The following FLT1 variants were observed in gnomAD, a reference collection of about 807,000 sequenced individuals.
The protein encoded by FLT1 is fms related receptor tyrosine kinase 1, also known as vascular endothelial growth factor receptor 1.
In FLT1, 49 loss-of-function variants were observed where a neutral mutation model predicts 156.3. The observed-to-expected ratio is 0.31, with a 90% CI of 0.25 to 0.40. The LOEUF is 0.40. FLT1 is among the 10% of genes least tolerant of loss of function. The probability of loss-of-function intolerance (pLI) is 1.00; values close to 1 mark genes in which losing one functional copy is unlikely to be tolerated. For synonymous variants in FLT1, 594 were observed against 583.8 expected (o/e 1.02, Z -0.25); for missense variants, 1,322 against 1,637.2 (o/e 0.81, Z 3.32).
At position 28,300,896 on chromosome 13, in the gene FLT1, C is replaced by T. The variant is rs1870486943; in HGVS notation, c.*2271G>A. 4.3e-6 allele frequency: 1 copy of T among 232,994 alleles called. No homozygotes were observed. The highest frequency in any genetic ancestry group is 8.5e-6 in the Non-Finnish European group (1 of 117,988). 14.4% of individuals were successfully genotyped at this position (232,994 alleles called of 1,614,324 possible). A position where few individuals can be genotyped will look rare whatever the true frequency, so the allele number is the denominator to read the frequency against. On this transcript the variant is annotated 3_prime_UTR_variant, in exon 30 of 30. Transcript: ENST00000282397. Reference sequence around the variant, plus strand: ...CAATTTTCAGTGCTATTTTAATGAACAAGCACTTTGTAACTAGCTCATTAT... The same window carrying T: ...CAATTTTCAGTGCTATTTTAATGAATAAGCACTTTGTAACTAGCTCATTAT...
chr13:28,367,191 T>C (rs1416894927), intron 14 of FLT1, among the ~76,000 whole-genome samples: 2 of 152,182 alleles, frequency 1.3e-5, no homozygotes, highest in Non-Finnish European at 2.9e-5. Context: ...AATTTTGTCA[T>C]CTTAAGGTTC....
At chr13:28,469,262 G>GCAAA (rs1289246114) in intron 1 of FLT1, among the ~76,000 whole-genome samples, 5 of 152,214 alleles carry the variant, frequency 3.3e-5, no homozygotes, top group African/African-American at 4.8e-5. Flanking sequence ...AACAGTGGAA[G>GCAAA]CAAAGGTAGA....
At chr13:28,367,240 G>T (rs986436024) in intron 14 of FLT1, among the ~76,000 whole-genome samples, 1 of 152,170 alleles carries the variant, frequency 6.6e-6, no homozygotes, top group Non-Finnish European at 1.5e-5. Context: ...TGCAAACTCT[G>T]GTGGTTTTAT....
intron 3 of FLT1, 64 bp downstream of exon 3, chr13:28,466,839 A>G (rs1449847727): frequency 9.0e-7 from 1 of 1,117,006 alleles, no homozygotes; most frequent in Non-Finnish European, 1.4e-6. Flanking sequence ...CCAATGGATC[A>G]GGGTAGATTT....
chr13:28,358,925 G>A (rs1873008703), intron 14 of FLT1, among the ~76,000 whole-genome samples: 1 of 152,162 alleles, frequency 6.6e-6, no homozygotes, highest in African/African-American at 2.4e-5. Flanking sequence ...CTGAAGGATT[G>A]TCAGAGGTGA....
intron 18 of FLT1, among the ~76,000 whole-genome samples, chr13:28,331,773 A>T (rs916630134): frequency 2.0e-5 from 3 of 152,212 alleles, no homozygotes; most frequent in African/African-American, 7.2e-5. Flanking sequence ...AATTAATTTA[A>T]GCAAGAAAGC....
At chr13:28,429,034 G>A (rs558725003) in intron 8 of FLT1, among the ~76,000 whole-genome samples, 42 of 152,046 alleles carry the variant, frequency 2.8e-4, no homozygotes, top group African/African-American at 9.6e-4. Context: ...ACAGATGAGC[G>A]TGCCCTCAGA....
At chr13:28,306,616 C>T (rs2138806888) in intron 29 of FLT1, 62 bp downstream of exon 29, 2 of 1,144,122 alleles carry the variant, frequency 1.7e-6, no homozygotes, top group Non-Finnish European at 2.7e-6. Flanking sequence ...TACCACCTTC[C>T]CCCAGCATCT....
intron 11 of FLT1, among the ~76,000 whole-genome samples, chr13:28,397,749 CGTGTGTGT>C (rs35710786): frequency 0.019 from 2,527 of 129,852 alleles, 81 homozygotes; most frequent in African/African-American, 0.066. Flanking sequence ...TGAAGGAGAC[CGTGTGTGT>C]GTGTGTGTGT....
At chr13:28,481,484 T>C (rs75414823) in intron 1 of FLT1, among the ~76,000 whole-genome samples, 1,855 of 104,640 alleles carry the variant, frequency 0.018, 39 homozygotes, top group African/African-American at 0.075. Flanking sequence ...CACACACACA[T>C]ACACGTACTT....
chr13:28,474,871 T>C (rs1008941873), intron 1 of FLT1, among the ~76,000 whole-genome samples: 5 of 152,206 alleles, frequency 3.3e-5, no homozygotes, highest in Non-Finnish European at 7.3e-5. Context: ...TTTACCTCAA[T>C]AAAGCTGCTA....
At chr13:28,357,182 C>T (rs1395298875) in intron 15 of FLT1, among the ~76,000 whole-genome samples, 1 of 151,576 alleles carries the variant, frequency 6.6e-6, no homozygotes, top group Admixed American at 6.6e-5. Flanking sequence ...GTTCCCCCTC[C>T]TCACCTACCC....
intron 15 of FLT1, 134 bp downstream of exon 15, chr13:28,357,420 G>A (rs891968307): frequency 4.5e-6 from 4 of 885,478 alleles, no homozygotes; most frequent in Middle Eastern, 3.0e-4. Context: ...CGGAGTGGCA[G>A]GGAGAGGGGA....
chr13:28,465,409 A>C (rs1469868463), intron 3 of FLT1, among the ~76,000 whole-genome samples: 1 of 152,218 alleles, frequency 6.6e-6, no homozygotes, highest in African/African-American at 2.4e-5. Context: ...AGTCAAAATC[A>C]GGCTGATAGC....
intron 3 of FLT1, among the ~76,000 whole-genome samples, chr13:28,459,170 C>T (rs1175466780): frequency 6.6e-6 from 1 of 152,198 alleles, no homozygotes; most frequent in African/African-American, 2.4e-5. Context: ...AGGAATCTCA[C>T]CTGGGTTTCC....
At chr13:28,435,753 G>A (rs1288010982) in intron 4 of FLT1, among the ~76,000 whole-genome samples, 3 of 152,244 alleles carry the variant, frequency 2.0e-5, no homozygotes, top group East Asian at 1.9e-4. Flanking sequence ...ATGTATTACC[G>A]GTGTTCCTTG....
In FLT1 at chr13:28,384,922, A is replaced by C; in HGVS notation, c.2079T>G (p.Thr693=). ...HANGVPEPQI[T]WFKNNHKIQQ... is the part of the protein sequence containing the mutation. ...GTATTTTGTGGTTGTTTTTAAACCAAGTGATCTGAGGCTCGGGGACACCAT... is the reference window on the plus strand; with the variant it reads ...GTATTTTGTGGTTGTTTTTAAACCACGTGATCTGAGGCTCGGGGACACCAT... The change falls in exon 14 of 30, where the codon ACT becomes ACG. Residue 693 remains threonine (T), a synonymous_variant. Transcript: ENST00000282397. The C allele has an allele frequency of 6.2e-7, 1 of 1,614,168 alleles. No homozygotes were observed. The highest frequency in any genetic ancestry group is 8.5e-7 in the Non-Finnish European group (1 of 1,180,020).
intron 14 of FLT1, among the ~76,000 whole-genome samples, chr13:28,366,142 A>C (rs1873281926): frequency 6.6e-6 from 1 of 152,184 alleles, no homozygotes; most frequent in Admixed American, 6.5e-5. Flanking sequence ...CATGATTCTT[A>C]AATGTTGGCA....
chr13:28,390,616 C>A (rs1036319405), intron 12 of FLT1, among the ~76,000 whole-genome samples: 1 of 152,100 alleles, frequency 6.6e-6, no homozygotes, highest in African/African-American at 2.4e-5. Flanking sequence ...AGGCTGATCT[C>A]GAATTACTGG....
Sources: gnomAD v4.1 joint callset for allele counts (sites outside exome capture counted in the v4.1 genomes callset) on GRCh38, gnomAD v4.1.1 for gene constraint, MANE v1.5 for transcripts, NCBI Gene and HGNC (gene_info 2026-07-23, HGNC 2026-07-21) for gene names.